The following FGF13 variants were observed in gnomAD, a reference collection of about 807,000 sequenced individuals.
FGF13 encodes the protein fibroblast growth factor homologous factor 2.
FGF13 carries 2 observed loss-of-function variants against 19.5 expected under a neutral mutation model. That is an observed-to-expected ratio of 0.10 (90% CI 0.04 to 0.32). The LOEUF is 0.32. Ranked by LOEUF, FGF13 falls within the 10% of genes least tolerant of loss-of-function variation. The probability of loss-of-function intolerance (pLI) is 1.00; values close to 1 mark genes in which losing one functional copy is unlikely to be tolerated. For synonymous variants in FGF13, 72 were observed against 76.9 expected, an observed-to-expected ratio of 0.94 and a Z score of 0.33; for missense variants, 113 against 192.7, an observed-to-expected ratio of 0.59 and a Z score of 2.45.
intron 1 of FGF13, among the ~76,000 whole-genome samples, chrX:138,954,603 T>C (rs1346555107): frequency 8.9e-6 from 1 of 111,821 alleles, no homozygotes; most frequent in Non-Finnish European, 1.9e-5. Flanking sequence ...TGTGATCTAT[T>C]GTGAGATAAT....
intron 1 of FGF13, among the ~76,000 whole-genome samples, chrX:139,000,098 C>A: frequency 8.9e-6 from 1 of 111,858 alleles, no homozygotes; most frequent in East Asian, 2.8e-4. Context: ...ATGATTATCT[C>A]AATAGATGCA....
chrX:138,782,132 T>G (rs1244983687), intron 3 of FGF13, among the ~76,000 whole-genome samples: 1 of 111,951 alleles, frequency 8.9e-6, no homozygotes, highest in East Asian at 2.8e-4. Flanking sequence ...AAACTCTCAA[T>G]AAATTAGGTA....
chrX:138,975,927 G>A (rs1485652674), intron 1 of FGF13, among the ~76,000 whole-genome samples: 1 of 111,776 alleles, frequency 8.9e-6, no homozygotes, highest in African/African-American at 3.3e-5. Flanking sequence ...GCCTATATAG[G>A]AAATGGAGCT....
Position 139,071,527 on chromosome X carries a change from T to C in FGF13, c.-113+131889A>G, listed in dbSNP as rs912144373. Reference sequence around the variant, plus strand: ...TTATTCCTTCTTATTTCAACCTTCTTAAAGTAATGATTATTGTTGTTTATG... The same window carrying C: ...TTATTCCTTCTTATTTCAACCTTCTCAAAGTAATGATTATTGTTGTTTATG... On this transcript the variant is annotated intron_variant, in intron 1 of 2. Coordinates refer to the FGF13 transcript ENST00000421460. Among the ~76,000 whole-genome samples the C allele has an allele frequency of 5.4e-5, 6 of 112,082 alleles. 1 individual carries two copies. The East Asian group carries it at 1.7e-3, about 32-fold the overall frequency.
At chrX:138,675,459 T>C (rs2089655216) in intron 3 of FGF13, among the ~76,000 whole-genome samples, 3 of 111,857 alleles carry the variant, frequency 2.7e-5, no homozygotes, top group Admixed American at 1.9e-4. Flanking sequence ...ATAATATTCA[T>C]CTGCCACATT....
chrX:138,830,698 TGTG>T (rs2091066056), intron 3 of FGF13, among the ~76,000 whole-genome samples: 1 of 103,088 alleles, frequency 9.7e-6, no homozygotes, highest in Non-Finnish European at 2.0e-5. Flanking sequence ...TGTGTGTGTG[TGTG>T]TGTGTGTGTG....
chrX:139,172,649 A>C (rs917404536), intron 1 of FGF13, among the ~76,000 whole-genome samples: 58 of 112,018 alleles, frequency 5.2e-4, no homozygotes, highest in Admixed American at 3.8e-4. Context: ...CTCTGAGGAC[A>C]GTTTAGGTAG....
intron 3 of FGF13, among the ~76,000 whole-genome samples, chrX:138,744,997 A>G (rs1053397837): frequency 8.9e-6 from 1 of 112,030 alleles, no homozygotes; most frequent in African/African-American, 3.2e-5. Flanking sequence ...TGGTACTACT[A>G]TATCTACGTG....
At chrX:138,736,360 G>C (rs1357199484) in intron 1 of FGF13, among the ~76,000 whole-genome samples, 1 of 112,148 alleles carries the variant, frequency 8.9e-6, no homozygotes, top group Non-Finnish European at 1.9e-5. Flanking sequence ...TGTTTTATAA[G>C]ATCAGCTAGA....
chrX:138,987,044 C>T (rs988472655), intron 1 of FGF13, among the ~76,000 whole-genome samples: 3 of 111,860 alleles, frequency 2.7e-5, no homozygotes, highest in African/African-American at 9.8e-5. Context: ...ATGTATGAAT[C>T]ATTCTGAAGG....
intron 1 of FGF13, among the ~76,000 whole-genome samples, chrX:139,166,022 T>C (rs1407684399): frequency 9.9e-5 from 11 of 111,610 alleles, no homozygotes; most frequent in African/African-American, 2.9e-4. Context: ...AGTTGGACTT[T>C]TGGGTTAATG....
chrX:138,659,847 G>T (rs2089472759), intron 3 of FGF13, among the ~76,000 whole-genome samples: 1 of 111,432 alleles, frequency 9.0e-6, no homozygotes, highest in Admixed American at 9.6e-5. Flanking sequence ...TCATAAGTGG[G>T]AGTTGAACAA....
intron 2 of FGF13, among the ~76,000 whole-genome samples, chrX:138,707,266 AC>A (rs974343762): frequency 9.9e-5 from 11 of 111,009 alleles, no homozygotes; most frequent in African/African-American, 3.6e-4. Context: ...TGAATTATCT[AC>A]TTTTTTTTTA....
chrX:139,094,108 G>C (rs180929042), intron 1 of FGF13, among the ~76,000 whole-genome samples: 1 of 111,497 alleles, frequency 9.0e-6, no homozygotes, highest in Admixed American at 9.5e-5. Context: ...CATACAGGCC[G>C]TCTCTAGTGC....
At chrX:138,981,520 G>C (rs1233499184) in intron 1 of FGF13, among the ~76,000 whole-genome samples, 2 of 110,925 alleles carry the variant, frequency 1.8e-5, no homozygotes, top group Non-Finnish European at 3.8e-5. Context: ...GGAGTGAATG[G>C]GAAGAAATGA....
chrX:139,143,132 C>T (rs373490141), intron 1 of FGF13, among the ~76,000 whole-genome samples: 1 of 112,176 alleles, frequency 8.9e-6, no homozygotes, highest in East Asian at 2.8e-4. Context: ...ATGCAAGGTA[C>T]TCATGAGAAT....
At position 138,632,996 on chromosome X, in the gene FGF13, A is replaced by G; in HGVS notation, c.602-10T>C. ...TCCTTGTACATGGCCACTGAAAAGC[A>G]CACAAAGATGGTGTAAAAGGCCTTC... On this transcript the variant is annotated splice_polypyrimidine_tract_variant and intron_variant, in intron 4 of 4. Transcript: ENST00000315930. The G allele has an allele frequency of 8.3e-7, 1 of 1,202,125 alleles. No individual in the cohort carries two copies. The highest frequency in any genetic ancestry group is 1.8e-5 in the South Asian group (1 of 55,697).
rs1448574286 is a variant in FGF13 at position 138,622,653 on chromosome X, A to G, written c.*10197T>C. On this transcript the variant is annotated 3_prime_UTR_variant, in exon 5 of 5. Transcript: ENST00000315930. ...AAATGCATGCAAATCAGGACGGAAG[A>G]AGTAAAATGGTCTGTTTCAAATCAC... The G allele has an allele frequency of 8.9e-6, 1 of 112,218 alleles. No individual in the cohort carries two copies. Among genetic ancestry groups the G allele is most frequent in the Non-Finnish European group, 1.9e-5 (1 of 53,181 alleles). The allele number at this position is 112,218 out of a possible 1,213,427, so 9.2% of individuals were successfully genotyped here.
At chrX:138,877,031 G>A (rs1029515134) in intron 1 of FGF13, among the ~76,000 whole-genome samples, 1 of 111,359 alleles carries the variant, frequency 9.0e-6, no homozygotes, top group Non-Finnish European at 1.9e-5. Flanking sequence ...ACCAAGCACC[G>A]CTTGTTCTCA....
Sources: allele counts gnomAD v4.1 joint callset (sites outside exome capture counted in the v4.1 genomes callset), GRCh38; gene constraint gnomAD v4.1.1; transcripts MANE v1.5; gene names NCBI Gene and HGNC (gene_info 2026-07-23, HGNC 2026-07-21).